RABGAP1: variants seen among roughly 807,000 people sequenced by gnomAD.
RABGAP1 encodes the protein rab GTPase-activating protein 1.
Under a neutral mutation model 137.6 loss-of-function variants are expected in RABGAP1, and 23 were observed. That is an observed-to-expected ratio of 0.17 (90% CI 0.12 to 0.24). The LOEUF (loss-of-function observed/expected upper bound fraction) is 0.24, where lower values mean the gene tolerates loss of function less well. Ranked by LOEUF, RABGAP1 falls within the 10% of genes least tolerant of loss-of-function variation. The pLI, the probability that RABGAP1 is intolerant of heterozygous loss-of-function variation, is 1.00. For missense variants in RABGAP1, 906 were observed against 1,275.8 expected (o/e 0.71, Z 4.42); for synonymous variants, 451 against 450.7 (o/e 1.00, Z -0.01).
In RABGAP1 at chr9:123,103,381, T is replaced by C. The variant is rs1018875855; in HGVS notation, c.*168T>C. On this transcript the variant is annotated 3_prime_UTR_variant, in exon 26 of 26. Transcript: ENST00000373647. ...ACCAGAGCTTGTGAAGCAGGCAACCTCTGGGGTAAGACTACTGATACTAAC... is the reference window on the plus strand; with the variant it reads ...ACCAGAGCTTGTGAAGCAGGCAACCCCTGGGGTAAGACTACTGATACTAAC... 7.7e-6 allele frequency: 8 copies of C among 1,043,276 alleles called. No homozygotes were observed. Among genetic ancestry groups the C allele is most frequent in the Non-Finnish European group, 1.1e-5 (8 of 739,984 alleles). The allele number at this position is 1,043,276 out of a possible 1,614,324, so 64.6% of individuals were successfully genotyped here. A position where few individuals can be genotyped will look rare whatever the true frequency, so the allele number is the denominator to read the frequency against.
intron 10 of RABGAP1, among the ~76,000 whole-genome samples, chr9:123,003,226 G>T (rs586174): frequency 0.98 from 148,787 of 152,300 alleles, 72,777 homozygotes; most frequent in East Asian, 1. Context: ...TAAAATCTTA[G>T]GTAGTTTTCA....
chr9:123,047,929 T>TG (rs1490277424), intron 13 of RABGAP1, among the ~76,000 whole-genome samples: 1 of 71,146 alleles, frequency 1.4e-5, no homozygotes, highest in Non-Finnish European at 2.3e-5. Context: ...GTTTTTTTTT[T>TG]TTTTTTTTTT....
intron 13 of RABGAP1, among the ~76,000 whole-genome samples, chr9:123,041,161 G>A (rs1314804465): frequency 6.6e-6 from 1 of 152,130 alleles, no homozygotes; most frequent in Non-Finnish European, 1.5e-5. Flanking sequence ...TAAACTTTAT[G>A]TTAATACTTC....
chr9:122,952,271 T>C (rs1834292782), intron 1 of RABGAP1, among the ~76,000 whole-genome samples: 3 of 151,946 alleles, frequency 2.0e-5, no homozygotes, highest in African/African-American at 4.8e-5. Flanking sequence ...TTTATTTTTA[T>C]TTTTTGAGAC....
intron 10 of RABGAP1, among the ~76,000 whole-genome samples, chr9:123,003,821 T>C (rs2029948024): frequency 6.6e-6 from 1 of 152,240 alleles, no homozygotes; most frequent in South Asian, 2.1e-4. Flanking sequence ...GATTTTCCAA[T>C]AGTGACATAA....
intron 13 of RABGAP1, among the ~76,000 whole-genome samples, chr9:123,055,839 C>T (rs2033671996): frequency 6.6e-6 from 1 of 152,188 alleles, no homozygotes; most frequent in East Asian, 1.9e-4. Context: ...GCGTGAGCCA[C>T]CGTGCCTGGC....
chr9:123,002,907 A>G (rs1837404440), intron 10 of RABGAP1, among the ~76,000 whole-genome samples: 1 of 152,184 alleles, frequency 6.6e-6, no homozygotes, highest in Non-Finnish European at 1.5e-5. Flanking sequence ...CTTTGCAAAA[A>G]GCAGAAGTGT....
chr9:123,018,151 C>T (rs778764024), intron 12 of RABGAP1, among the ~76,000 whole-genome samples: 10 of 152,246 alleles, frequency 6.6e-5, no homozygotes, highest in South Asian at 2.1e-4. Flanking sequence ...CCCGCCACCT[C>T]GTCCGGCTAA....
At chr9:123,051,150 GC>G (rs2033437595) in intron 13 of RABGAP1, among the ~76,000 whole-genome samples, 2 of 134,148 alleles carry the variant, frequency 1.5e-5, no homozygotes, top group Non-Finnish European at 3.1e-5. Context: ...TAAGATACAT[GC>G]CCCCAGCATT....
intron 13 of RABGAP1, among the ~76,000 whole-genome samples, chr9:123,027,785 A>C (rs1219397945): frequency 6.6e-6 from 1 of 152,212 alleles, no homozygotes; most frequent in Non-Finnish European, 1.5e-5. Flanking sequence ...AGTGTGTTTG[A>C]GTCCTGCCCT....
At chr9:123,067,659 A>G (rs912397967) in intron 14 of RABGAP1, among the ~76,000 whole-genome samples, 3 of 152,200 alleles carry the variant, frequency 2.0e-5, no homozygotes, top group African/African-American at 7.2e-5. Flanking sequence ...AAGGGCAGGG[A>G]TCATTTCTTA....
At position 123,047,251 on chromosome 9, in the gene RABGAP1, G is replaced by C. The variant is rs565444993; in HGVS notation, c.1795-18097G>C. 2.0e-5 allele frequency among the ~76,000 whole-genome samples: 3 copies of C among 152,278 alleles called. No homozygotes were observed. In the South Asian group the frequency reaches 6.2e-4, roughly 32 times the overall value. ...ACTAGTAACAACCTCAGAAATGTTT[G>C]TTCGAGGAGGTAAAAAATAAATGGG... On this transcript the variant is annotated intron_variant, in intron 13 of 25. Transcript: ENST00000373647.
chr9:123,082,638 T>G (rs920694110), intron 19 of RABGAP1, among the ~76,000 whole-genome samples: 1 of 152,230 alleles, frequency 6.6e-6, no homozygotes, highest in African/African-American at 2.4e-5. Flanking sequence ...ACCTGAGGAC[T>G]TGGCCATTTT....
At chr9:122,973,430 G>T (rs530967482) in intron 2 of RABGAP1, among the ~76,000 whole-genome samples, 6 of 151,888 alleles carry the variant, frequency 4.0e-5, no homozygotes, top group African/African-American at 7.3e-5. Flanking sequence ...TAGAGATGGG[G>T]TTTCACCGTG....
At chr9:123,050,498 CT>C (rs759375452) in intron 13 of RABGAP1, among the ~76,000 whole-genome samples, 1 of 152,200 alleles carries the variant, frequency 6.6e-6, no homozygotes, top group Non-Finnish European at 1.5e-5. Context: ...GTTGAAAATA[CT>C]GACTTAAAGG....
intron 24 of RABGAP1, among the ~76,000 whole-genome samples, chr9:123,101,113 T>C (rs1200854175): frequency 6.6e-6 from 1 of 152,252 alleles, no homozygotes; most frequent in Non-Finnish European, 1.5e-5. Flanking sequence ...TTTTGTGTTC[T>C]ATTTCAACCA....
At chr9:123,081,402 G>A (rs1346483112) in intron 19 of RABGAP1, among the ~76,000 whole-genome samples, 1 of 152,150 alleles carries the variant, frequency 6.6e-6, no homozygotes, top group Non-Finnish European at 1.5e-5. Context: ...TCACATGCCA[G>A]TCTAGGAAAA....
chr9:122,958,301 A>C (rs191812947), intron 2 of RABGAP1, among the ~76,000 whole-genome samples: 1 of 152,346 alleles, frequency 6.6e-6, no homozygotes, highest in Non-Finnish European at 1.5e-5. Context: ...GAAGCTGCCT[A>C]TGGCTGAGAG....
chr9:122,981,760 G>C (rs1488477297), intron 2 of RABGAP1, among the ~76,000 whole-genome samples: 3 of 152,162 alleles, frequency 2.0e-5, no homozygotes, highest in Admixed American at 6.6e-5. Context: ...ATTGATTAAA[G>C]TATGCAGGCC....
Sources: gnomAD v4.1 joint callset for allele counts (sites outside exome capture counted in the v4.1 genomes callset) on GRCh38, gnomAD v4.1.1 for gene constraint, MANE v1.5 for transcripts, NCBI Gene and HGNC (gene_info 2026-07-23, HGNC 2026-07-21) for gene names.